MYO7A: variants seen among roughly 807,000 people sequenced by gnomAD.
MYO7A encodes myosin VIIA, also known as unconventional myosin-VIIa.
MYO7A carries 210 observed loss-of-function variants against 263.8 expected under a neutral mutation model. That is an observed-to-expected ratio of 0.80 (90% CI 0.71 to 0.89). MYO7A has a LOEUF of 0.89. MYO7A is among the 40% of genes least tolerant of loss of function. The probability of loss-of-function intolerance (pLI) is 0.00; values close to 1 mark genes in which losing one functional copy is unlikely to be tolerated. For synonymous variants in MYO7A, 1,239 were observed against 1,197.3 expected, an observed-to-expected ratio of 1.03 and a Z score of -0.72; for missense variants, 2,820 against 2,968.3, an observed-to-expected ratio of 0.95 and a Z score of 1.16.
intron 4 of MYO7A, among the ~76,000 whole-genome samples, chr11:77,152,569 G>A (rs558669543): frequency 6.6e-5 from 10 of 152,238 alleles, no homozygotes; most frequent in African/African-American, 2.4e-4. Flanking sequence ...ATTGATATCC[G>A]GGGCCTGGAG....
At chr11:77,190,644 G>A in intron 29 of MYO7A, 53 bp from the exon 30 acceptor site, 2 of 1,532,860 alleles carry the variant, frequency 1.3e-6, no homozygotes, top group East Asian at 2.4e-5. Context: ...GTCCAGAGGG[G>A]CAGGCAGGTC....
At chr11:77,170,772 G>T (rs1954015433) in intron 15 of MYO7A, among the ~76,000 whole-genome samples, 2 of 152,186 alleles carry the variant, frequency 1.3e-5, no homozygotes, top group African/African-American at 4.8e-5. Context: ...GGGGGTTGCT[G>T]CAGGAATTTG....
intron 23 of MYO7A, among the ~76,000 whole-genome samples, 172 bp from the exon 24 acceptor site, chr11:77,181,779 G>GTTT (rs782689084): frequency 6.3e-4 from 57 of 90,040 alleles, no homozygotes; most frequent in East Asian, 1.4e-3. Flanking sequence ...TTTTTTTTTT[G>GTTT]TTTTTTTTTT....
intron 15 of MYO7A, among the ~76,000 whole-genome samples, chr11:77,167,281 G>T (rs1482615629): frequency 1.3e-5 from 2 of 152,104 alleles, no homozygotes; most frequent in Admixed American, 1.3e-4. Flanking sequence ...GTGGGGACTC[G>T]AACGCAGGTC....
intron 4 of MYO7A, 32 bp from the exon 5 acceptor site, chr11:77,155,875 T>A: frequency 1.3e-6 from 2 of 1,536,454 alleles, no homozygotes; most frequent in Non-Finnish European, 1.8e-6. Flanking sequence ...CCACATGGAA[T>A]CAGCGAGCTC....
rs752844653 is a variant in MYO7A at position 77,190,064 on chromosome 11, G to T, written c.3675G>T (p.Pro1225=). ...FIHGGPPGYA[P]YCEERLRRTF... ...ACGGGGGCCCGCCCGGCTACGCCCCGTACTGTGAGGAGCGCCTGAGAAGGA... is the reference window on the plus strand; with the variant it reads ...ACGGGGGCCCGCCCGGCTACGCCCCTTACTGTGAGGAGCGCCTGAGAAGGA... Residue 1225 remains proline (P), a synonymous_variant, in exon 29 of 49, where the codon CCG becomes CCT. Coordinates refer to ENST00000409709, the MANE Select transcript of MYO7A (RefSeq NM_000260.4). 104 of 1,575,114 alleles carry T rather than the reference G, an allele frequency of 6.6e-5. No individual in the cohort carries two copies. The highest frequency in any genetic ancestry group is 8.8e-5 in the Non-Finnish European group (102 of 1,161,172).
chr11:77,153,505 C>T (rs1318435000), intron 4 of MYO7A, among the ~76,000 whole-genome samples: 3 of 152,122 alleles, frequency 2.0e-5, no homozygotes, highest in Non-Finnish European at 4.4e-5. Flanking sequence ...AGCCTGGCCC[C>T]AGCCCTGGGC....
chr11:77,209,681 C>G (rs1432012248), intron 44 of MYO7A, among the ~76,000 whole-genome samples: 5 of 152,184 alleles, frequency 3.3e-5, no homozygotes, highest in Non-Finnish European at 7.3e-5. Context: ...TCCCCCATGT[C>G]TCTCCATCAC....
chr11:77,145,465 A>C (rs1951496469), intron 3 of MYO7A, among the ~76,000 whole-genome samples: 1 of 152,086 alleles, frequency 6.6e-6, no homozygotes, highest in Non-Finnish European at 1.5e-5. Flanking sequence ...CTGAACTGTC[A>C]TGGGGAGGGA....
At chr11:77,212,382 C>T (rs1957948952) in intron 46 of MYO7A, 6 of 359,668 alleles carry the variant, frequency 1.7e-5, no homozygotes, top group South Asian at 1.3e-4. Flanking sequence ...GAAGGAAATC[C>T]AAGTAGTGAG....
At chr11:77,159,413 C>T in intron 9 of MYO7A, 34 bp from the exon 10 acceptor site, 2 of 1,312,970 alleles carry the variant, frequency 1.5e-6, no homozygotes, top group Non-Finnish European at 2.2e-6. Context: ...GCCCACCCTC[C>T]CTCCCCTGAT....
chr11:77,189,883 G>A (rs1174580752), intron 28 of MYO7A, 137 bp from the exon 29 acceptor site: 8 of 1,358,246 alleles, frequency 5.9e-6, no homozygotes, highest in African/African-American at 4.4e-5. Flanking sequence ...AGATGGTGGA[G>A]CTGAGAGGGT....
Position 77,174,796 on chromosome 11 carries a change from C to A in MYO7A, c.1976C>A (p.Ser659Ter), listed in dbSNP as rs878853378. 1 of 1,610,698 alleles carries A rather than the reference C, an allele frequency of 6.2e-7. No homozygotes were observed. The highest frequency in any genetic ancestry group is 8.5e-7 in the Non-Finnish European group (1 of 1,178,756). Residue 659 changes from serine to a stop codon, truncating the protein, a stop_gained, in exon 17 of 49, where the codon TCA becomes TAA. Transcript: ENST00000409709. LOFTEE classifies it high-confidence loss of function. ...RHLCVRQLRY[S>*]GMMETIRIRR... Reference sequence around the variant, plus strand: ...CTGTGCGTGCGCCAGCTGCGGTACTCAGGAATGATGGAGACCATCCGAATC... The same window carrying A: ...CTGTGCGTGCGCCAGCTGCGGTACTAAGGAATGATGGAGACCATCCGAATC...
chr11:77,175,729 G>A (rs1475537104), intron 18 of MYO7A, among the ~76,000 whole-genome samples: 8 of 152,258 alleles, frequency 5.3e-5, no homozygotes, highest in Admixed American at 2.0e-4. Context: ...TGGCTGTTAG[G>A]CCCACAGCAG....
At chr11:77,194,579 A>G in intron 32 of MYO7A, 55 bp downstream of exon 32, 2 of 1,512,278 alleles carry the variant, frequency 1.3e-6, no homozygotes, top group Non-Finnish European at 8.9e-7. Flanking sequence ...ACAACCAAGG[A>G]GGTCCCAGGC....
rs556803811 is a variant in MYO7A, at chr11:77,171,905, G to A, written c.1798-843G>A. On this transcript the variant is annotated intron_variant, in intron 15 of 48. Coordinates refer to ENST00000409709, the MANE Select transcript of MYO7A (RefSeq NM_000260.4). ...GGGGACCCCAGTAGGGCAGGGAGGC[G>A]CAGGGGGCTCGCTGGCTGCCAGGAT... 2.2e-3 allele frequency among the ~76,000 whole-genome samples: 341 copies of A among 152,326 alleles called. 3 individuals are homozygous for A. The highest frequency in any genetic ancestry group is 0.01 in the Middle Eastern group (3 of 294).
chr11:77,134,014 C>T (rs1555046743), intron 2 of MYO7A, among the ~76,000 whole-genome samples: 1 of 151,186 alleles, frequency 6.6e-6, no homozygotes, highest in Non-Finnish European at 1.5e-5. Flanking sequence ...ACTGCAACCT[C>T]TGCCTCCTGG....
In MYO7A at chr11:77,134,460, AT is replaced by A. The variant is rs1396241835; in HGVS notation, c.18+3819del. 6.4e-3 allele frequency among the ~76,000 whole-genome samples: 950 copies of A among 148,366 alleles called. 9 individuals are homozygous for A. The highest frequency in any genetic ancestry group is 0.022 in the African/African-American group (891 of 40,624). On this transcript the variant is annotated intron_variant, in intron 2 of 48. Coordinates refer to ENST00000409709, the MANE Select transcript of MYO7A (RefSeq NM_000260.4). ...AGTAGTTACAGACCAAAAATACAAC[AT>A]TTTTTTTTTTAAAGAGATGGAGTCT...
intron 27 of MYO7A, 67 bp from the exon 28 acceptor site, chr11:77,189,277 G>A: frequency 6.3e-7 from 1 of 1,597,468 alleles, no homozygotes; most frequent in Non-Finnish European, 8.5e-7. Context: ...TGGCTGCTAG[G>A]AGGAGGTGGG....
Sources: allele counts gnomAD v4.1 joint callset (sites outside exome capture counted in the v4.1 genomes callset), GRCh38; gene constraint gnomAD v4.1.1; transcripts MANE v1.5; gene names NCBI Gene and HGNC (gene_info 2026-07-23, HGNC 2026-07-21).